The following FTCD variants were observed in gnomAD, a reference collection of about 807,000 sequenced individuals.
The protein encoded by FTCD is formimidoyltransferase-cyclodeaminase.
A neutral mutation model predicts 62.9 loss-of-function variants in FTCD; 76 were observed. The ratio of observed to expected loss-of-function variants is 1.21; its 90% CI spans 1.00 to 1.46. The LOEUF (loss-of-function observed/expected upper bound fraction) is 1.46, where lower values mean the gene tolerates loss of function less well. Ranked by LOEUF, FTCD falls within the 40% of genes most tolerant of loss-of-function variation. The probability of loss-of-function intolerance (pLI) is 0.00; values close to 1 mark genes in which losing one functional copy is unlikely to be tolerated. For synonymous variants in FTCD, 397 were observed against 336.9 expected, an observed-to-expected ratio of 1.18 and a Z score of -1.95; for missense variants, 845 against 751.3, an observed-to-expected ratio of 1.12 and a Z score of -1.46.
chr21:46,149,914 C>T (rs1448998675), intron 7 of FTCD, among the ~76,000 whole-genome samples: 7 of 152,106 alleles, frequency 4.6e-5, no homozygotes, highest in Non-Finnish European at 7.4e-5. Flanking sequence ...GTGGAATTTG[C>T]ACAGCTGAGC....
intron 10 of FTCD, among the ~76,000 whole-genome samples, chr21:46,141,291 A>G (rs2078999756): frequency 6.8e-6 from 1 of 146,388 alleles, no homozygotes; most frequent in African/African-American, 2.6e-5. Context: ...ACCTGCTACC[A>G]CGCCTGGCTT....
At chr21:46,154,510 G>T (rs2079384236) in intron 1 of FTCD, among the ~76,000 whole-genome samples, 178 bp from the exon 2 acceptor site, 1 of 151,756 alleles carries the variant, frequency 6.6e-6, no homozygotes, top group Admixed American at 6.6e-5. Context: ...GGCCGCCCGG[G>T]AACCCTCACA....
chr21:46,140,190 GTGTA>G (rs1359746076), intron 10 of FTCD, among the ~76,000 whole-genome samples: 1 of 151,384 alleles, frequency 6.6e-6, no homozygotes, highest in African/African-American at 2.4e-5. Flanking sequence ...CTCACAGGGA[GTGTA>G]CACCAACCCA....
chr21:46,144,777 G>A (rs2079104306), intron 10 of FTCD, among the ~76,000 whole-genome samples: 2 of 138,030 alleles, frequency 1.4e-5, no homozygotes, highest in Non-Finnish European at 3.1e-5. Context: ...TCCTCTCCTG[G>A]GCTGGAACTG....
At chr21:46,149,527 A>C (rs1368136843) in intron 7 of FTCD, among the ~76,000 whole-genome samples, 1 of 152,156 alleles carries the variant, frequency 6.6e-6, no homozygotes, top group Non-Finnish European at 1.5e-5. Context: ...ACCTAAAACA[A>C]AGTGACCTTG....
At chr21:46,136,662 C>A, downstream of FTCD, 2 of 1,470,588 alleles carry the variant, frequency 1.4e-6, no homozygotes, top group Non-Finnish European at 1.8e-6. Context: ...CACGCTGCAA[C>A]CCCATTCCCT....
chr21:46,155,167 C>T (rs540588549), intron 1 of FTCD, among the ~76,000 whole-genome samples: 18 of 152,284 alleles, frequency 1.2e-4, no homozygotes, highest in Non-Finnish European at 2.5e-4. Context: ...CAGGGGGGAG[C>T]ACCAAGGCCC....
At chr21:46,139,165 A>C (rs2078939816) in intron 10 of FTCD, 2 of 585,268 alleles carry the variant, frequency 3.4e-6, no homozygotes, top group Non-Finnish European at 6.1e-6. Flanking sequence ...AGAAGCAGGT[A>C]GTTCCCTCAG....
Position 46,136,837 on chromosome 21 carries a change from G to T in FTCD, c.*150C>A. 1 of 1,550,638 alleles carries T rather than the reference G, an allele frequency of 6.4e-7. No homozygotes were observed. Among genetic ancestry groups the T allele is most frequent in the African/African-American group, 1.4e-5 (1 of 73,182 alleles). On this transcript the variant is annotated 3_prime_UTR_variant, in exon 14 of 14. Coordinates refer to ENST00000397746, the MANE Select transcript of FTCD (RefSeq NM_206965.2). The stretch of plus-strand genomic sequence containing the variant: ...GACTAGGGGCCTTCTGTCCCTGCCA[G>T]CGCCTCCATTCCCAGGCGATGCCCC...
intron 5 of FTCD, among the ~76,000 whole-genome samples, chr21:46,151,339 G>A (rs759079298): frequency 2.0e-5 from 3 of 152,242 alleles, no homozygotes; most frequent in Non-Finnish European, 4.4e-5. Context: ...AAAATCCCCA[G>A]GAGGCCAGAG....
rs754438263 is a variant in FTCD at position 46,145,456 on chromosome 21, C to T, written c.1221G>A (p.Thr407=). ...AGGCCTCGGCGTCGGCATCCACCAG[C>T]GTGGTTAGCTTGGCCGAAGCCTCGC... ...PFREASAKLT[T]LVDADAEAFT... The change falls in exon 10 of 14, where the codon ACG becomes ACA. Residue 407 remains threonine (T), a synonymous_variant. Coordinates refer to ENST00000397746, the MANE Select transcript of FTCD (RefSeq NM_206965.2). The T allele has an allele frequency of 1.9e-6, 3 of 1,560,314 alleles. No individual in the cohort carries two copies. Among genetic ancestry groups the T allele is most frequent in the Non-Finnish European group, 2.6e-6 (3 of 1,153,220 alleles).
Position 46,136,821 on chromosome 21 carries a change from C to A in FTCD, c.*166G>T, listed in dbSNP as rs1568956112. On this transcript the variant is annotated 3_prime_UTR_variant, in exon 14 of 14. Coordinates refer to ENST00000397746, the MANE Select transcript of FTCD (RefSeq NM_206965.2). ...ACTGGAGGTCACATGGGACTAGGGG[C>A]CTTCTGTCCCTGCCAGCGCCTCCAT... The A allele has an allele frequency of 1.9e-6, 3 of 1,547,774 alleles. No homozygotes were observed. Among genetic ancestry groups the A allele is most frequent in the East Asian group, 4.9e-5 (2 of 40,908 alleles).
chr21:46,149,453 CACAA>C (rs559775910), intron 7 of FTCD, among the ~76,000 whole-genome samples: 238 of 152,300 alleles, frequency 1.6e-3, no homozygotes, highest in African/African-American at 5.2e-3. Context: ...TCAGTAAAAA[CACAA>C]ACAGACAAAA....
rs181554544 is a variant in FTCD, at chr21:46,138,864, G to A, written c.1304+16C>T. 1.1e-4 allele frequency: 169 copies of A among 1,606,098 alleles called. No individual in the cohort carries two copies. The highest frequency in any genetic ancestry group is 3.5e-4 in the Admixed American group (21 of 60,020). On this transcript the variant is annotated intron_variant, in intron 11 of 13. Coordinates refer to ENST00000397746, the MANE Select transcript of FTCD (RefSeq NM_206965.2). ...AGACACAGAGGCCCACGGTGCGGCC[G>A]GCCCTCCAGGCTCACCTGTCCTTTT...
At chr21:46,148,630 CAAATT>C (rs1016612414) in intron 7 of FTCD, among the ~76,000 whole-genome samples, 1 of 152,170 alleles carries the variant, frequency 6.6e-6, no homozygotes, top group Admixed American at 6.5e-5. Context: ...AAAGAAGTAA[CAAATT>C]AAATTAAAAT....
intron 10 of FTCD, among the ~76,000 whole-genome samples, chr21:46,142,916 GAGA>G (rs1214011912): frequency 2.6e-5 from 4 of 152,202 alleles, no homozygotes; most frequent in African/African-American, 9.7e-5. Context: ...TAGCTAGACA[GAGA>G]AGTTCTCCAA....
At position 46,150,014 on chromosome 21, in the gene FTCD, G is replaced by A. The variant is rs1601336716; in HGVS notation, c.906+105C>T. 3.8e-6 allele frequency: 4 copies of A among 1,047,072 alleles called. No homozygotes were observed. In the African/African-American group the frequency reaches 4.7e-5, roughly 12 times the overall value. 64.9% of individuals were successfully genotyped at this position (1,047,072 alleles called of 1,614,324 possible). A position where few individuals can be genotyped will look rare whatever the true frequency, so the allele number is the denominator to read the frequency against. On this transcript the variant is annotated intron_variant, in intron 7 of 13. Transcript: ENST00000397746. The stretch of plus-strand genomic sequence containing the variant: ...GAACACAAGTCAATAAAATGAAGGG[G>A]GAGGAGGGGGAGGGAAGCTGCGCCC...
At position 46,154,256 on chromosome 21, in the gene FTCD, G is replaced by T. The variant is rs769376491; in HGVS notation, c.131C>A (p.Thr44Asn). The T allele has an allele frequency of 3.1e-6, 5 of 1,612,726 alleles. No homozygotes were observed. The Admixed American group carries it at 5.0e-5, about 16-fold the overall frequency. ...CACGAAGGTGTACACGGTGCGGTTG[G>T]TGGAAGGGCCTGCGTCCACATCCAG... ...VLLDVDAGPS[T>N]NRTVYTFVGP... The change falls in exon 2 of 14, where the codon ACC becomes AAC. Residue 44 changes from threonine to asparagine, a missense_variant. Transcript: ENST00000397746.
chr21:46,143,979 A>T (rs766815797), intron 10 of FTCD, among the ~76,000 whole-genome samples: 1 of 152,100 alleles, frequency 6.6e-6, no homozygotes, highest in Non-Finnish European at 1.5e-5. Context: ...CCCTCTAGAT[A>T]ACAGTAGCAA....
Sources: allele counts gnomAD v4.1 joint callset (sites outside exome capture counted in the v4.1 genomes callset), GRCh38; gene constraint gnomAD v4.1.1; transcripts MANE v1.5; gene names NCBI Gene and HGNC (gene_info 2026-07-23, HGNC 2026-07-21).